ACSS3: variants seen among roughly 807,000 people sequenced by gnomAD.
The protein encoded by ACSS3 is acyl-CoA synthetase short chain family member 3.
ACSS3 carries 64 observed loss-of-function variants against 84.2 expected under a neutral mutation model. That is an observed-to-expected ratio of 0.76 (90% confidence interval 0.62 to 0.94). The LOEUF is 0.94. ACSS3 is among the 40% of genes least tolerant of loss of function. The pLI is 0.00. For missense variants in ACSS3, 815 were observed against 867.6 expected (o/e 0.94, Z 0.76); for synonymous variants, 317 against 310.1 (o/e 1.02, Z -0.23).
intron 2 of ACSS3, 49 bp from the exon 3 acceptor site, chr12:81,134,767 G>C: frequency 7.1e-7 from 1 of 1,403,812 alleles, no homozygotes; most frequent in Non-Finnish European, 9.4e-7. Flanking sequence ...TTAGAAGTTT[G>C]GTGAAATAAT....
intron 10 of ACSS3, among the ~76,000 whole-genome samples, chr12:81,218,023 G>A (rs1409709247): frequency 6.6e-6 from 1 of 152,084 alleles, no homozygotes; most frequent in Non-Finnish European, 1.5e-5. Flanking sequence ...CTCTCTAGGT[G>A]TATAAATTAT....
chr12:81,190,228 C>T (rs1251696816), intron 8 of ACSS3, among the ~76,000 whole-genome samples: 1 of 152,028 alleles, frequency 6.6e-6, no homozygotes, highest in African/African-American at 2.4e-5. Flanking sequence ...AGAGACTTTA[C>T]ATTGAGTTTA....
chr12:81,249,811 A>G (rs1369668088), intron 13 of ACSS3, among the ~76,000 whole-genome samples: 1 of 152,088 alleles, frequency 6.6e-6, no homozygotes, highest in Non-Finnish European at 1.5e-5. Flanking sequence ...TTGCACTGCA[A>G]ACTGGCTCCT....
chr12:81,148,597 A>T (rs758049170), intron 5 of ACSS3, among the ~76,000 whole-genome samples: 1 of 152,130 alleles, frequency 6.6e-6, no homozygotes, highest in Non-Finnish European at 1.5e-5. Context: ...GTCTTTATTC[A>T]GGGCACAGAG....
intron 1 of ACSS3, among the ~76,000 whole-genome samples, chr12:81,099,763 T>A (rs1203420496): frequency 6.6e-6 from 1 of 152,136 alleles, no homozygotes; most frequent in Non-Finnish European, 1.5e-5. Flanking sequence ...AATATTTGAA[T>A]AGTAAATACA....
In ACSS3 at chr12:81,139,179, G is replaced by A; in HGVS notation, c.694G>A (p.Val232Ile). The change falls in exon 4 of 16, where the codon GTA (valine) becomes ATA (isoleucine). Residue 232 changes from valine (V) to isoleucine (I), a missense_variant. Val to Ile is a conservative substitution (Grantham distance 29). Coordinates refer to ENST00000548058, the MANE Select transcript of ACSS3 (RefSeq NM_024560.4). Reference protein sequence around the residue: ...ASFGIEPGRRVEYVPLVEEAL... With the variant: ...ASFGIEPGRRIEYVPLVEEAL... ...ATTTGGCATTGAACCTGGAAGGAGG[G>A]TAGAGTACGTACCACTTGTAGAAGA... The A allele has an allele frequency of 3.1e-6, 5 of 1,613,818 alleles. No homozygotes were observed. The highest frequency in any genetic ancestry group is 2.2e-5 in the South Asian group (2 of 91,074).
intron 2 of ACSS3, among the ~76,000 whole-genome samples, chr12:81,117,386 G>C (rs2121525939): frequency 6.6e-6 from 1 of 152,226 alleles, no homozygotes; most frequent in Non-Finnish European, 1.5e-5. Context: ...GGCTAGAGAG[G>C]GACTTCGCCT....
intron 2 of ACSS3, among the ~76,000 whole-genome samples, chr12:81,130,595 G>A (rs1885427584): frequency 1.3e-5 from 2 of 152,078 alleles, no homozygotes; most frequent in Non-Finnish European, 2.9e-5. Context: ...CACTCTGATG[G>A]TAGTTTCTTT....
intron 13 of ACSS3, among the ~76,000 whole-genome samples, chr12:81,243,519 C>T (rs1186545674): frequency 6.6e-6 from 1 of 152,100 alleles, no homozygotes; most frequent in Non-Finnish European, 1.5e-5. Flanking sequence ...CTTTAAAGTT[C>T]ATATGGAACC....
At chr12:81,087,628 G>A (rs12313909) in intron 1 of ACSS3, among the ~76,000 whole-genome samples, 58,207 of 151,764 alleles carry the variant, frequency 0.38, 11,683 homozygotes, top group Admixed American at 0.48. Flanking sequence ...CCACTTTTGC[G>A]CTAATCTCAC....
At position 81,109,543 on chromosome 12, in the gene ACSS3, T is replaced by G; in HGVS notation, c.312-17T>G. 6.3e-7 allele frequency: 1 copy of G among 1,599,552 alleles called. No individual in the cohort carries two copies. Among genetic ancestry groups the G allele is most frequent in the Non-Finnish European group, 8.5e-7 (1 of 1,175,070 alleles). On this transcript the variant is annotated splice_polypyrimidine_tract_variant and intron_variant, in intron 1 of 15. Coordinates refer to ENST00000548058, the MANE Select transcript of ACSS3 (RefSeq NM_024560.4). ...TTTAAAGCCATCATTCACCTTTACT[T>G]TCCAATTATTTTTCAGGTTTGTGGA...
At chr12:81,137,350 CACACACA>C (rs1885861062) in intron 3 of ACSS3, among the ~76,000 whole-genome samples, 1 of 151,646 alleles carries the variant, frequency 6.6e-6, no homozygotes, top group African/African-American at 2.4e-5. Flanking sequence ...CACACACACA[CACACACA>C]CACACACCCC....
intron 10 of ACSS3, among the ~76,000 whole-genome samples, 173 bp from the exon 11 acceptor site, chr12:81,219,840 T>G (rs907924089): frequency 6.6e-6 from 1 of 152,098 alleles, no homozygotes; most frequent in Non-Finnish European, 1.5e-5. Flanking sequence ...CAGATACATG[T>G]GCTCTTTATT....
chr12:81,173,260 C>A (rs187499410), intron 7 of ACSS3, among the ~76,000 whole-genome samples: 44 of 152,230 alleles, frequency 2.9e-4, no homozygotes, highest in Non-Finnish European at 5.9e-4. Flanking sequence ...CATGTGTTGC[C>A]AGGCTGTATT....
intron 7 of ACSS3, among the ~76,000 whole-genome samples, chr12:81,170,283 A>G (rs1054790935): frequency 1.3e-5 from 2 of 152,148 alleles, no homozygotes; most frequent in Non-Finnish European, 1.5e-5. Context: ...GGGCCTTGTC[A>G]TCTACAATAC....
At position 81,259,486 on chromosome 12, in the gene ACSS3, T is replaced by C. The variant is rs1238692254; in HGVS notation, c.*4564T>C. 2 of 714,562 alleles carry C rather than the reference T, an allele frequency of 2.8e-6. No homozygotes were observed. The highest frequency in any genetic ancestry group is 1.8e-5 in the African/African-American group (1 of 56,080). 44.3% of individuals were successfully genotyped at this position (714,562 alleles called of 1,614,324 possible). A position where few individuals can be genotyped will look rare whatever the true frequency, so the allele number is the denominator to read the frequency against. ...AAATGACTTAAGCATTTTATTACAA[T>C]TTGTAGTAAACTAATCAAATGTAAT... is the stretch of plus-strand genomic sequence containing the variant. On this transcript the variant is annotated 3_prime_UTR_variant, in exon 16 of 16. Coordinates refer to ENST00000548058, the MANE Select transcript of ACSS3 (RefSeq NM_024560.4).
chr12:81,119,459 C>T (rs1438035338), intron 2 of ACSS3, among the ~76,000 whole-genome samples: 2 of 151,990 alleles, frequency 1.3e-5, no homozygotes, highest in Non-Finnish European at 2.9e-5. Flanking sequence ...TCTTCCCCAC[C>T]CTAATAAGCC....
At chr12:81,171,740 A>G (rs1270266501) in intron 7 of ACSS3, among the ~76,000 whole-genome samples, 1 of 152,174 alleles carries the variant, frequency 6.6e-6, no homozygotes, top group South Asian at 2.1e-4. Context: ...ACAGTCATAT[A>G]TTACTTAACA....
At chr12:81,082,272 A>G (rs1265579725) in intron 1 of ACSS3, among the ~76,000 whole-genome samples, 1 of 152,100 alleles carries the variant, frequency 6.6e-6, no homozygotes, top group African/African-American at 2.4e-5. Context: ...TTATATCTGT[A>G]TGTCTCCAGT....
Sources: gnomAD v4.1 joint callset for allele counts (sites outside exome capture counted in the v4.1 genomes callset) on GRCh38, gnomAD v4.1.1 for gene constraint, MANE v1.5 for transcripts, NCBI Gene and HGNC (gene_info 2026-07-23, HGNC 2026-07-21) for gene names.